RBM6: variants seen among roughly 807,000 people sequenced by gnomAD.
The protein encoded by RBM6 is RNA binding motif protein 6, also known as RNA-binding protein 6.
A neutral mutation model predicts 140.4 loss-of-function variants in RBM6; 23 were observed. The ratio of observed to expected loss-of-function variants is 0.16; its 90% CI spans 0.12 to 0.23. The LOEUF is 0.23. RBM6 is among the 10% of genes least tolerant of loss of function. The pLI is 1.00. For missense variants in RBM6, 1,139 were observed against 1,386.7 expected (o/e 0.82, Z 2.84); for synonymous variants, 439 against 475.6 (o/e 0.92, Z 1.00).
At chr3:50,039,482 A>ACCCCCCC (rs10546220) in intron 6 of RBM6, among the ~76,000 whole-genome samples, 12 of 122,240 alleles carry the variant, frequency 9.8e-5, no homozygotes, top group Non-Finnish European at 1.4e-4. Context: ...CAGGTGATCC[A>ACCCCCCC]CCCCCCCCCC....
intron 5 of RBM6, among the ~76,000 whole-genome samples, chr3:49,977,852 C>T (rs777165374): frequency 6.6e-5 from 10 of 152,122 alleles, no homozygotes; most frequent in Non-Finnish European, 1.3e-4. Context: ...CATGGTGTTG[C>T]ACACCTGTAG....
chr3:50,033,764 C>G (rs1350556833), intron 6 of RBM6, among the ~76,000 whole-genome samples: 1 of 152,142 alleles, frequency 6.6e-6, no homozygotes, highest in South Asian at 2.1e-4. Context: ...GCCTCAGCCT[C>G]CCGAGTAGCT....
intron 6 of RBM6, among the ~76,000 whole-genome samples, chr3:50,038,922 G>A (rs1477398746): frequency 1.3e-5 from 2 of 152,208 alleles, no homozygotes; most frequent in African/African-American, 2.4e-5. Flanking sequence ...AATTGCAGTA[G>A]GAGAGAGCCT....
chr3:50,076,673 G>A (rs577980180), intron 20 of RBM6, among the ~76,000 whole-genome samples: 94 of 151,998 alleles, frequency 6.2e-4, no homozygotes, highest in African/African-American at 1.8e-3. Context: ...ATCACTTGAG[G>A]CCAGGAGTTC....
intron 1 of RBM6, among the ~76,000 whole-genome samples, chr3:49,952,409 G>T (rs980003227): frequency 1.3e-5 from 2 of 151,686 alleles, no homozygotes; most frequent in Non-Finnish European, 2.9e-5. Flanking sequence ...CAAGTGATCT[G>T]CCCACTTCAG....
At chr3:50,019,033 A>T (rs1374267137) in intron 6 of RBM6, among the ~76,000 whole-genome samples, 7 of 150,114 alleles carry the variant, frequency 4.7e-5, no homozygotes, top group South Asian at 2.1e-4. Flanking sequence ...TTTTATTTTT[A>T]TTTATTTATT....
intron 6 of RBM6, among the ~76,000 whole-genome samples, chr3:50,031,661 A>G (rs939477961): frequency 1.3e-5 from 2 of 152,120 alleles, no homozygotes; most frequent in African/African-American, 4.8e-5. Context: ...GCACACCAAC[A>G]TGGCACATGT....
At chr3:50,038,093 AT>A (rs2088654290) in intron 6 of RBM6, among the ~76,000 whole-genome samples, 1 of 152,038 alleles carries the variant, frequency 6.6e-6, no homozygotes, top group Non-Finnish European at 1.5e-5. Flanking sequence ...AAGTGCTGGG[AT>A]TACAGGTGTG....
intron 4 of RBM6, among the ~76,000 whole-genome samples, chr3:49,972,366 A>C (rs1195899253): frequency 6.6e-6 from 1 of 152,200 alleles, no homozygotes; most frequent in African/African-American, 2.4e-5. Context: ...AAGTTTATTC[A>C]GATTTCACCA....
At chr3:50,039,569 A>G (rs1014774101) in intron 6 of RBM6, among the ~76,000 whole-genome samples, 1 of 151,326 alleles carries the variant, frequency 6.6e-6, no homozygotes, top group African/African-American at 2.4e-5. Context: ...TAAATTATTA[A>G]CCAGAGAAAT....
intron 6 of RBM6, among the ~76,000 whole-genome samples, chr3:50,028,522 TG>T (rs1004438037): frequency 1.3e-5 from 2 of 152,208 alleles, no homozygotes; most frequent in African/African-American, 4.8e-5. Flanking sequence ...TGGCTCTTCC[TG>T]TGTACTTGGA....
intron 5 of RBM6, among the ~76,000 whole-genome samples, chr3:49,999,225 G>C (rs2086216921): frequency 6.6e-6 from 1 of 152,056 alleles, no homozygotes; most frequent in Non-Finnish European, 1.5e-5. Context: ...AATAGAAAAG[G>C]CTGTTTTGGA....
intron 5 of RBM6, among the ~76,000 whole-genome samples, chr3:49,980,741 G>A (rs1454567082): frequency 2.9e-5 from 4 of 137,868 alleles, no homozygotes; most frequent in South Asian, 2.3e-4. Context: ...CAGCCTGGGC[G>A]ACAGAGCAAG....
intron 1 of RBM6, among the ~76,000 whole-genome samples, chr3:49,943,413 G>A (rs1575500664): frequency 6.6e-6 from 1 of 151,904 alleles, no homozygotes; most frequent in Non-Finnish European, 1.5e-5. Context: ...CAGTCATCCC[G>A]CCTCAGCTTC....
At chr3:50,033,963 T>C (rs1455008350) in intron 6 of RBM6, among the ~76,000 whole-genome samples, 1 of 152,068 alleles carries the variant, frequency 6.6e-6, no homozygotes, top group Non-Finnish European at 1.5e-5. Context: ...CTATGTGTGT[T>C]TTTCCTAAAC....
intron 5 of RBM6, among the ~76,000 whole-genome samples, chr3:49,998,271 A>G (rs892527689): frequency 2.6e-5 from 4 of 152,208 alleles, no homozygotes; most frequent in Non-Finnish European, 5.9e-5. Flanking sequence ...GATCTTTGAT[A>G]TTGATGCAGT....
intron 2 of RBM6, among the ~76,000 whole-genome samples, chr3:49,966,776 G>A (rs2252833): frequency 0.47 from 71,180 of 151,468 alleles, 17,383 homozygotes; most frequent in Non-Finnish European, 0.51. Context: ...TCTACCTTCT[G>A]TGATACCCTT....
Position 49,968,616 on chromosome 3 carries a change from A to G in RBM6, c.1191A>G (p.Gln397=). The change falls in exon 3 of 21, where the codon CAA becomes CAG. Residue 397 remains glutamine, a synonymous_variant. Transcript: ENST00000266022. The part of the protein sequence containing the change: ...EEGGLDFLGR[Q]DTDYRSMEYR... ...GCGGTCTGGACTTTCTTGGGCGGCA[A>G]GACACCGATTACAGAAGCATGGAGT... 6.2e-7 allele frequency: 1 copy of G among 1,614,162 alleles called. No individual in the cohort carries two copies. The highest frequency in any genetic ancestry group is 8.5e-7 in the Non-Finnish European group (1 of 1,180,032).
intron 5 of RBM6, among the ~76,000 whole-genome samples, chr3:49,993,221 G>C (rs1237846129): frequency 6.6e-6 from 1 of 152,188 alleles, no homozygotes; most frequent in Non-Finnish European, 1.5e-5. Context: ...TCCTGGGCCT[G>C]AGGAACCATC....
Sources: gnomAD v4.1 joint callset for allele counts (sites outside exome capture counted in the v4.1 genomes callset) on GRCh38, gnomAD v4.1.1 for gene constraint, MANE v1.5 for transcripts, NCBI Gene and HGNC (gene_info 2026-07-23, HGNC 2026-07-21) for gene names.